ITPR2: variants seen among roughly 807,000 people sequenced by gnomAD.
ITPR2 encodes the protein inositol 1,4,5-trisphosphate-gated calcium channel ITPR2.
ITPR2 carries 207 observed loss-of-function variants against 317.1 expected under a neutral mutation model. The ratio of observed to expected loss-of-function variants is 0.65; its 90% CI spans 0.58 to 0.73. ITPR2 has a LOEUF of 0.73. Among genes scored for constraint, ITPR2 ranks in the 30% least tolerant of loss-of-function variants. The pLI is 0.00. For missense variants in ITPR2, 2,613 were observed against 3,284.0 expected, an observed-to-expected ratio of 0.80 and a Z score of 4.99; for synonymous variants, 1,156 against 1,149.1, an observed-to-expected ratio of 1.01 and a Z score of -0.12.
Position 26,632,039 on chromosome 12 carries a change from T to C in ITPR2, c.2761A>G (p.Ile921Val). 6.3e-7 allele frequency: 1 copy of C among 1,583,090 alleles called. No individual in the cohort carries two copies. Among genetic ancestry groups the C allele is most frequent in the Non-Finnish European group, 8.6e-7 (1 of 1,166,458 alleles). The change falls in exon 22 of 57, where the codon ATT becomes GTT. Residue 921 changes from isoleucine (I) to valine (V), a missense_variant. Ile to Val is a conservative substitution (Grantham distance 29). This residue lies in a region of ITPR2 where 817 missense variants were observed against 897.6 expected (regional missense o/e 0.91). Transcript: ENST00000381340. ...GTCATCATCTCTCCCACCCCATGAATGGTTCTCATCACATTGTTTCCTGGC... is the reference window on the plus strand; with the variant it reads ...GTCATCATCTCTCCCACCCCATGAACGGTTCTCATCACATTGTTTCCTGGC... ...QDGGNNVMRT[I>V]HGVGEMMTQM...
At chr12:26,472,900 G>A (rs1353184201) in intron 45 of ITPR2, among the ~76,000 whole-genome samples, 5 of 150,538 alleles carry the variant, frequency 3.3e-5, no homozygotes, top group African/African-American at 7.3e-5. Context: ...TTGTTTGTTC[G>A]TTTTGAGACA....
intron 10 of ITPR2, among the ~76,000 whole-genome samples, chr12:26,694,944 A>C (rs1948311044): frequency 6.6e-6 from 1 of 152,178 alleles, no homozygotes. Flanking sequence ...TGAGGTACAT[A>C]AATTCTGATT....
intron 2 of ITPR2, among the ~76,000 whole-genome samples, chr12:26,787,697 C>G (rs911281697): frequency 6.6e-6 from 1 of 152,144 alleles, no homozygotes; most frequent in African/African-American, 2.4e-5. Flanking sequence ...CCCTGGAAAC[C>G]AAGTTTTATC....
intron 1 of ITPR2, chr12:26,800,748 G>A (rs1209225066): frequency 1.3e-5 from 2 of 152,182 alleles, no homozygotes; most frequent in African/African-American, 4.8e-5. Context: ...ATGAAGCAGA[G>A]GACAACAAGG....
chr12:26,720,238 T>C, intron 5 of ITPR2, among the ~76,000 whole-genome samples: 1 of 152,208 alleles, frequency 6.6e-6, no homozygotes, highest in East Asian at 1.9e-4. Flanking sequence ...TCAGCCTATT[T>C]ATTGCATTTC....
chr12:26,744,360 G>A (rs1246181744), intron 2 of ITPR2, among the ~76,000 whole-genome samples: 1 of 152,192 alleles, frequency 6.6e-6, no homozygotes, highest in African/African-American at 2.4e-5. Context: ...CAGGGACTTT[G>A]CCCTGGATGC....
intron 45 of ITPR2, among the ~76,000 whole-genome samples, chr12:26,444,957 C>T (rs543242286): frequency 6.6e-6 from 1 of 152,244 alleles, no homozygotes; most frequent in East Asian, 1.9e-4. Flanking sequence ...TTGAATTATA[C>T]ACATTTTTAT....
Position 26,782,028 on chromosome 12 carries a change from ATATATG to A in ITPR2, c.163+8123_163+8128del, listed in dbSNP as rs1179797174. 8.7e-3 allele frequency among the ~76,000 whole-genome samples: 218 copies of A among 25,106 alleles called. 1 individual carries two copies. Among genetic ancestry groups the A allele is most frequent in the Middle Eastern group, 0.014 (1 of 72 alleles). The allele number at this position is 25,106 out of a possible 152,430, so 16.5% of individuals were successfully genotyped here. ...TATATATATATATATATATATATAT[ATATATG>A]TATAGAGAGAGAGAGAGAGAGAGAG... On this transcript the variant is annotated intron_variant, in intron 2 of 56. Coordinates refer to ENST00000381340, the MANE Select transcript of ITPR2 (RefSeq NM_002223.4).
In ITPR2 at chr12:26,350,540, T is replaced by G. The variant is rs751949896; in HGVS notation, c.7858-10212A>C. ...CCTACCTCTCCCAGGTGGCCTGAAA[T>G]AGCACCAAGTCTGAAAGCAGGGCTC... On this transcript the variant is annotated intron_variant, in intron 55 of 56. Coordinates refer to ENST00000381340, the MANE Select transcript of ITPR2 (RefSeq NM_002223.4). Among the ~76,000 whole-genome samples, 51 of 152,182 alleles carry G rather than the reference T, an allele frequency of 3.4e-4. 1 individual carries two copies. The highest frequency in any genetic ancestry group is 1.2e-3 in the Admixed American group (18 of 15,294).
intron 55 of ITPR2, among the ~76,000 whole-genome samples, chr12:26,343,415 A>G (rs1024941644): frequency 6.6e-6 from 1 of 152,210 alleles, no homozygotes; most frequent in African/African-American, 2.4e-5. Context: ...TTAGTGTTTA[A>G]TGGATGCAGA....
intron 2 of ITPR2, among the ~76,000 whole-genome samples, chr12:26,756,168 GGAGA>G (rs572229786): frequency 1.3e-4 from 20 of 152,200 alleles, no homozygotes; most frequent in African/African-American, 4.1e-4. Flanking sequence ...ATGGGAAACG[GGAGA>G]GAGAAAAATT....
intron 55 of ITPR2, among the ~76,000 whole-genome samples, chr12:26,359,952 G>A (rs549466717): frequency 2.0e-5 from 3 of 152,176 alleles, no homozygotes; most frequent in South Asian, 2.1e-4. Context: ...TCGCCTCTAC[G>A]TGCCCACTTT....
chr12:26,387,653 T>TA, intron 54 of ITPR2, 59 bp from the exon 55 acceptor site: 2 of 1,492,192 alleles, frequency 1.3e-6, no homozygotes, highest in Non-Finnish European at 1.8e-6. Context: ...ACTTGCTTCT[T>TA]AGCATAAAAA....
rs748529887 is a variant in ITPR2, at chr12:26,622,368, C to T, written c.3160G>A (p.Gly1054Ser). ...ATGAGGACCCGTAAAAACGTCCTGC[C>T]TCCTTCATCGTCAAGTTGAACTGGA... The part of the protein sequence containing the change: ...KNPVQLDDEG[G>S]RTFLRVLIHL... Residue 1054 changes from glycine to serine, a missense_variant, in exon 25 of 57, where the codon GGC becomes AGC. By Grantham distance (56) the Gly-to-Ser change is moderately conservative. Transcript: ENST00000381340. 3.7e-6 allele frequency: 6 copies of T among 1,608,776 alleles called. No individual in the cohort carries two copies. Among genetic ancestry groups the T allele is most frequent in the Non-Finnish European group, 5.1e-6 (6 of 1,178,532 alleles).
rs190428250 is a variant in ITPR2 at position 26,472,335 on chromosome 12, T to C, written c.6342+2961A>G. Among the ~76,000 whole-genome samples the C allele has an allele frequency of 1.3e-3, 205 of 152,346 alleles. 1 individual carries two copies. Among genetic ancestry groups the C allele is most frequent in the African/African-American group, 4.6e-3 (191 of 41,578 alleles). On this transcript the variant is annotated intron_variant, in intron 45 of 56. Coordinates refer to ENST00000381340, the MANE Select transcript of ITPR2 (RefSeq NM_002223.4). The stretch of plus-strand genomic sequence containing the variant: ...TACAGTGTAATCATGAGGCTTAAAG[T>C]ATTCAGCAATTCAGAATCTCCTTTT...
At chr12:26,575,634 C>A (rs1462538857) in intron 34 of ITPR2, among the ~76,000 whole-genome samples, 2 of 152,044 alleles carry the variant, frequency 1.3e-5, no homozygotes, top group Non-Finnish European at 2.9e-5. Flanking sequence ...TTATAGCATA[C>A]GAAAAGGAAC....
At chr12:26,516,325 A>AGGAAG (rs1486291565) in intron 37 of ITPR2, among the ~76,000 whole-genome samples, 16 of 146,110 alleles carry the variant, frequency 1.1e-4, no homozygotes, top group South Asian at 2.2e-4. Context: ...AGGAAAGGAA[A>AGGAAG]GGAAAGGAAA....
intron 2 of ITPR2, among the ~76,000 whole-genome samples, chr12:26,783,487 T>C (rs1397781442): frequency 1.3e-5 from 2 of 152,146 alleles, no homozygotes; most frequent in African/African-American, 2.4e-5. Flanking sequence ...TCTCTTTAAG[T>C]TGATTTAAGT....
chr12:26,558,393 TGC>T (rs1247560905), intron 35 of ITPR2, among the ~76,000 whole-genome samples: 2 of 152,194 alleles, frequency 1.3e-5, no homozygotes, highest in Non-Finnish European at 2.9e-5. Flanking sequence ...GTGAGTTTGC[TGC>T]AAGGATTAAA....
Sources: allele counts gnomAD v4.1 joint callset (sites outside exome capture counted in the v4.1 genomes callset), GRCh38; gene constraint gnomAD v4.1.1; regional missense constraint gnomAD v4.1.1; transcripts MANE v1.5; gene names NCBI Gene and HGNC (gene_info 2026-07-23, HGNC 2026-07-21).